The following CNBD2 variants were observed in gnomAD, a reference collection of about 807,000 sequenced individuals.
CNBD2 encodes cyclic nucleotide-binding domain-containing protein 2.
A neutral mutation model predicts 63.7 loss-of-function variants in CNBD2; 64 were observed. The observed-to-expected ratio is 1.00, with a 90% CI of 0.82 to 1.24. The LOEUF (loss-of-function observed/expected upper bound fraction) is 1.24. Ranked by LOEUF, CNBD2 falls within the 50% of genes most tolerant of loss-of-function variation. CNBD2 has a pLI of 0.00. For synonymous variants in CNBD2, 229 were observed against 255.4 expected (o/e 0.90, Z 0.99); for missense variants, 691 against 713.5 (o/e 0.97, Z 0.36).
intron 10 of CNBD2, among the ~76,000 whole-genome samples, chr20:36,012,409 C>G (rs2057073744): frequency 6.7e-6 from 1 of 149,654 alleles, no homozygotes; most frequent in East Asian, 1.9e-4. Context: ...ACTCAGGAGG[C>G]AGAGGTTGAA....
Position 35,972,628 on chromosome 20 carries a change from G to T in CNBD2, c.52-1G>T. 6.2e-7 allele frequency: 1 copy of T among 1,613,992 alleles called. No individual in the cohort carries two copies. The highest frequency in any genetic ancestry group is 8.5e-7 in the Non-Finnish European group (1 of 1,179,942). On this transcript the variant is annotated splice_acceptor_variant, in intron 1 of 11. Transcript: ENST00000373973. LOFTEE classifies it high-confidence loss of function. Reference sequence around the variant, plus strand: ...TGATCTTGTTTGCTTTGTTTCCATAGGGACTGTACCAGCTCGCCATGGATA... The same window carrying T: ...TGATCTTGTTTGCTTTGTTTCCATATGGACTGTACCAGCTCGCCATGGATA...
At chr20:36,005,186 C>T (rs1205387550) in intron 8 of CNBD2, among the ~76,000 whole-genome samples, 1 of 152,186 alleles carries the variant, frequency 6.6e-6, no homozygotes, top group Non-Finnish European at 1.5e-5. Flanking sequence ...GGTCCCCAAA[C>T]TTTTTGGCAC....
chr20:35,997,067 A>G (rs969435556), intron 8 of CNBD2, among the ~76,000 whole-genome samples: 15 of 152,170 alleles, frequency 9.9e-5, no homozygotes, highest in Non-Finnish European at 1.8e-4. Flanking sequence ...ATTCTAGGGT[A>G]GTATTGTTTC....
intron 7 of CNBD2, among the ~76,000 whole-genome samples, chr20:35,989,338 T>C (rs534429359): frequency 6.6e-6 from 1 of 152,364 alleles, no homozygotes; most frequent in African/African-American, 2.4e-5. Flanking sequence ...GTCCAGGCTC[T>C]GGAGGGATAC....
intron 11 of CNBD2, among the ~76,000 whole-genome samples, chr20:36,024,225 C>G (rs2057256294): frequency 6.6e-6 from 1 of 152,064 alleles, no homozygotes; most frequent in Non-Finnish European, 1.5e-5. Flanking sequence ...ATCCCAACTA[C>G]TCAGGAGGCT....
intron 1 of CNBD2, among the ~76,000 whole-genome samples, chr20:35,970,833 G>A (rs1183837766): frequency 1.3e-5 from 2 of 151,510 alleles, no homozygotes; most frequent in Non-Finnish European, 3.0e-5. Flanking sequence ...CTTCTGCCTC[G>A]GCCTCCCGAG....
chr20:36,014,924 G>A (rs939487145), intron 10 of CNBD2, among the ~76,000 whole-genome samples: 2 of 152,090 alleles, frequency 1.3e-5, no homozygotes, highest in East Asian at 1.9e-4. Context: ...GTGAACCATC[G>A]TGCCTGGCCT....
intron 6 of CNBD2, among the ~76,000 whole-genome samples, chr20:35,985,620 G>C (rs1460216718): frequency 3.3e-5 from 5 of 151,744 alleles, no homozygotes; most frequent in Admixed American, 6.6e-5. Flanking sequence ...CACATAGCTG[G>C]AATTACAGTC....
At position 36,018,000 on chromosome 20, in the gene CNBD2, A is replaced by T. The variant is rs1014240965; in HGVS notation, c.1270-5602A>T. On this transcript the variant is annotated intron_variant, in intron 10 of 11. Transcript: ENST00000373973. ...TCTTATTTTTTAGAACAGTTTTTAG[A>T]TTTACAGAAAAATTGAGAAGATAGT... 2.6e-5 allele frequency among the ~76,000 whole-genome samples: 4 copies of T among 152,182 alleles called. No individual in the cohort carries two copies. The East Asian group carries it at 7.7e-4, about 29-fold the overall frequency.
At chr20:35,965,373 T>C (rs1004138915), upstream of CNBD2, among the ~76,000 whole-genome samples, 1 of 152,118 alleles carries the variant, frequency 6.6e-6, no homozygotes, top group African/African-American at 2.4e-5. Context: ...ATACTGGGTT[T>C]CACCATGTTG....
At chr20:35,993,594 T>C (rs1026642742) in intron 7 of CNBD2, among the ~76,000 whole-genome samples, 1 of 152,200 alleles carries the variant, frequency 6.6e-6, no homozygotes, top group African/African-American at 2.4e-5. Context: ...TTTATGTAAA[T>C]GAATTCGTTG....
intron 5 of CNBD2, among the ~76,000 whole-genome samples, chr20:35,984,385 T>C (rs1399135532): frequency 6.6e-6 from 1 of 152,220 alleles, no homozygotes. Context: ...GTGAGGCCTC[T>C]CCAGCTTCCT....
chr20:36,021,693 G>A (rs1301423907), intron 10 of CNBD2, among the ~76,000 whole-genome samples: 1 of 152,154 alleles, frequency 6.6e-6, no homozygotes, highest in Non-Finnish European at 1.5e-5. Flanking sequence ...ACAGCTGAGA[G>A]GCTGAAGACT....
intron 2 of CNBD2, chr20:35,973,609 C>T (rs1601017664): frequency 6.6e-6 from 1 of 152,254 alleles, no homozygotes; most frequent in African/African-American, 2.4e-5. Flanking sequence ...CGGGGTTTCA[C>T]CTTGTTAGCC....
At chr20:36,009,109 G>C (rs2590984) in intron 9 of CNBD2, among the ~76,000 whole-genome samples, 1 of 151,908 alleles carries the variant, frequency 6.6e-6, no homozygotes, top group Non-Finnish European at 1.5e-5. Context: ...ACACAGGAGG[G>C]TCGCTTGAGC....
chr20:36,022,521 G>A (rs1212485712), intron 10 of CNBD2, among the ~76,000 whole-genome samples: 2 of 151,816 alleles, frequency 1.3e-5, no homozygotes, highest in Non-Finnish European at 2.9e-5. Flanking sequence ...TATTAGTAGA[G>A]GTGGGGTTTC....
At chr20:35,997,401 G>A (rs2056840323) in intron 8 of CNBD2, among the ~76,000 whole-genome samples, 1 of 152,206 alleles carries the variant, frequency 6.6e-6, no homozygotes, top group Non-Finnish European at 1.5e-5. Flanking sequence ...ACAGAGCTGG[G>A]TTTGAGTCCC....
At chr20:35,980,933 C>T (rs1371102103) in intron 4 of CNBD2, among the ~76,000 whole-genome samples, 1 of 152,138 alleles carries the variant, frequency 6.6e-6, no homozygotes, top group African/African-American at 2.4e-5. Flanking sequence ...AATGGCTCCT[C>T]CTAGGTCACC....
At chr20:35,975,222 C>T (rs1200059859) in intron 2 of CNBD2, among the ~76,000 whole-genome samples, 6 of 136,010 alleles carry the variant, frequency 4.4e-5, no homozygotes, top group South Asian at 2.3e-4. Context: ...AGGATGGTCT[C>T]GATCTCCTGA....
Sources: gnomAD v4.1 joint callset for allele counts (sites outside exome capture counted in the v4.1 genomes callset) on GRCh38, gnomAD v4.1.1 for gene constraint, MANE v1.5 for transcripts, NCBI Gene and HGNC (gene_info 2026-07-23, HGNC 2026-07-21) for gene names.